Variants in ILK observed in about 807,000 individuals in gnomAD.
ILK encodes the protein integrin linked kinase, also known as scaffold protein ILK.
A neutral mutation model predicts 57.8 loss-of-function variants in ILK; 37 were observed. That is an observed-to-expected ratio of 0.64 (90% CI 0.49 to 0.84). The LOEUF is 0.84. Among genes scored for constraint, ILK ranks in the 40% least tolerant of loss-of-function variants. The pLI is 0.00. For synonymous variants in ILK, 231 were observed against 202.2 expected (o/e 1.14, Z -1.21); for missense variants, 528 against 595.7 (o/e 0.89, Z 1.18).
Position 6,608,500 on chromosome 11 carries a change from A to T in ILK, c.351+11A>T. ...GATCAAGTGGCAGAGGTGAGTACTC[A>T]GCCCTTAATTCCTGAGATGGGTAGG... On this transcript the variant is annotated intron_variant, in intron 4 of 12. Coordinates refer to ENST00000299421, the MANE Select transcript of ILK (RefSeq NM_004517.4). This position sits in a 1 kb window ranked among gnomAD's most constrained non-coding sequence, Gnocchi z 4.9. 1.3e-6 allele frequency: 2 copies of T among 1,597,466 alleles called. No homozygotes were observed. Among genetic ancestry groups the T allele is most frequent in the Middle Eastern group, 3.3e-4 (2 of 6,010 alleles).
At chr11:6,604,624 C>A (rs1854647161) in intron 2 of ILK, 1 of 578,714 alleles carries the variant, frequency 1.7e-6, no homozygotes, top group South Asian at 1.9e-5. Context: ...GGGCAAGGCA[C>A]AGAGCAGAGA....
At chr11:6,606,144 G>C (rs1477330025) in intron 2 of ILK, among the ~76,000 whole-genome samples, 5 of 152,240 alleles carry the variant, frequency 3.3e-5, no homozygotes, top group Non-Finnish European at 7.3e-5. Flanking sequence ...CTGCCCTCCA[G>C]CCTGGGCCAC....
chr11:6,609,161 C>T lies in ILK; in HGVS notation c.618+5C>T. On this transcript the variant is annotated splice_donor_5th_base_variant and intron_variant, in intron 7 of 12. Coordinates refer to ENST00000299421, the MANE Select transcript of ILK (RefSeq NM_004517.4). The stretch of plus-strand genomic sequence containing the variant: ...AACGAGAATCACTCTGGAGAGGTGA[C>T]CCCTGCCCTTCTTGCCCTTCCCTCA... 1 of 1,612,908 alleles carries T rather than the reference C, an allele frequency of 6.2e-7. No homozygotes were observed. Among genetic ancestry groups the T allele is most frequent in the South Asian group, 1.1e-5 (1 of 91,052 alleles).
intron 2 of ILK, chr11:6,606,941 A>G (rs1319128813): frequency 2.0e-5 from 3 of 152,284 alleles, no homozygotes; most frequent in African/African-American, 7.2e-5. Context: ...ATCTCAAGGA[A>G]AAGCTTTTGG....
At chr11:6,609,232 C>T in intron 7 of ILK, 67 bp from the exon 8 acceptor site, 1 of 1,602,370 alleles carries the variant, frequency 6.2e-7, no homozygotes, top group Non-Finnish European at 8.6e-7. Context: ...TTAAGTTTTT[C>T]CTCCAGTTAG....
chr11:6,604,883 T>C (rs1247995555), intron 2 of ILK: 10 of 456,282 alleles, frequency 2.2e-5, no homozygotes, highest in Non-Finnish European at 4.0e-5. Context: ...GAAGAGCAGG[T>C]GGAAAGGAGG....
chr11:6,609,851 G>C lies in ILK; in HGVS notation c.978+6G>C. 6.2e-7 allele frequency: 1 copy of C among 1,614,212 alleles called. No homozygotes were observed. ...TCAATAGCCGTAGTGTAATGGTGAG[G>C]CCACAAGCTCACTCCTGGCCCAGGC... On this transcript the variant is annotated splice_donor_region_variant and intron_variant, in intron 10 of 12. Coordinates refer to ENST00000299421, the MANE Select transcript of ILK (RefSeq NM_004517.4).
At position 6,608,180 on chromosome 11, in the gene ILK, C is replaced by G; in HGVS notation, c.224C>G (p.Ala75Gly). Reference sequence around the variant, plus strand: ...GATGACACCCCCCTGCATCTGGCAGCCAGTCATGGACACCGTGATATTGTA... The same window carrying G: ...GATGACACCCCCCTGCATCTGGCAGGCAGTCATGGACACCGTGATATTGTA... ...RGDDTPLHLA[A>G]SHGHRDIVQK... The change falls in exon 3 of 13, where the codon GCC becomes GGC. Residue 75 changes from alanine to glycine, a missense_variant. By Grantham distance (60) the Ala-to-Gly change is moderately conservative. Coordinates refer to ENST00000299421, the MANE Select transcript of ILK (RefSeq NM_004517.4). This position sits in a 1 kb window ranked among gnomAD's most constrained non-coding sequence, Gnocchi z 4.9. 1 of 1,614,138 alleles carries G rather than the reference C, an allele frequency of 6.2e-7. No homozygotes were observed. The highest frequency in any genetic ancestry group is 8.5e-7 in the Non-Finnish European group (1 of 1,180,016).
At position 6,604,370 on chromosome 11, in the gene ILK, AACGGTTGGT is replaced by A. The variant is rs1854607265; in HGVS notation, c.89+11_89+19del. 2.5e-6 allele frequency: 4 copies of A among 1,599,034 alleles called. No homozygotes were observed. Among genetic ancestry groups the A allele is most frequent in the Non-Finnish European group, 3.4e-6 (4 of 1,172,738 alleles). On this transcript the variant is annotated intron_variant, in intron 2 of 12. Coordinates refer to ENST00000299421, the MANE Select transcript of ILK (RefSeq NM_004517.4). ...ACGACCTCAACCAGGGGTGAGCTGA[AACGGTTGGT>A]GGATGAGAGGAAGGCTAGAGATCTC...
chr11:6,607,242 A>G (rs996932233), intron 2 of ILK: 1 of 152,100 alleles, frequency 6.6e-6, no homozygotes, highest in Non-Finnish European at 1.5e-5. Flanking sequence ...CTCCAAACCA[A>G]TTGTTTTGTT....
In ILK at chr11:6,608,902, G is replaced by A; in HGVS notation, c.467G>A (p.Gly156Asp). The A allele has an allele frequency of 6.2e-7, 1 of 1,614,194 alleles. No homozygotes were observed. Among genetic ancestry groups the A allele is most frequent in the South Asian group, 1.1e-5 (1 of 91,080 alleles). ...TCCCTAGAGCGGGCAGAGAAGATGG[G>A]CCAGAATCTCAACCGTATTCCATAC... Reference protein sequence around the residue: ...ELLRERAEKMGQNLNRIPYKD... With the variant: ...ELLRERAEKMDQNLNRIPYKD... Residue 156 changes from glycine to aspartate, a missense_variant, in exon 6 of 13, where the codon GGC becomes GAC. Gly to Asp is a moderately conservative substitution (Grantham distance 94). Coordinates refer to ENST00000299421, the MANE Select transcript of ILK (RefSeq NM_004517.4). The surrounding 1 kb of genome is among the most constrained non-coding windows in gnomAD (Gnocchi z 4.9).
At chr11:6,609,192 C>T (rs1275052976) in intron 7 of ILK, 36 bp downstream of exon 7, 2 of 1,599,304 alleles carry the variant, frequency 1.3e-6, no homozygotes, top group Admixed American at 3.3e-5. Context: ...CCTCACTAAA[C>T]CCCCATAAAT....
At position 6,608,447 on chromosome 11, in the gene ILK, C is replaced by G; in HGVS notation, c.309C>G (p.Pro103=). 6.2e-7 allele frequency: 1 copy of G among 1,614,154 alleles called. No individual in the cohort carries two copies. Among genetic ancestry groups the G allele is most frequent in the South Asian group, 1.1e-5 (1 of 91,086 alleles). Reference sequence around the variant, plus strand: ...CAGTGAATGAACACGGGAATGTGCCCCTGCACTATGCCTGTTTTTGGGGCC... The same window carrying G: ...CAGTGAATGAACACGGGAATGTGCCGCTGCACTATGCCTGTTTTTGGGGCC... ...INAVNEHGNV[P]LHYACFWGQD... Residue 103 remains proline (P), a synonymous_variant, in exon 4 of 13, where the codon CCC becomes CCG. Coordinates refer to ENST00000299421, the MANE Select transcript of ILK (RefSeq NM_004517.4). This position sits in a 1 kb window ranked among gnomAD's most constrained non-coding sequence, Gnocchi z 4.9.
chr11:6,603,973 G>A (rs947900599), intron 1 of ILK, 151 bp downstream of exon 1: 15 of 537,116 alleles, frequency 2.8e-5, no homozygotes, highest in Non-Finnish European at 4.7e-5. Context: ...TCTGTTCGCG[G>A]ATAGGGTCTA....
intron 7 of ILK, 65 bp from the exon 8 acceptor site, chr11:6,609,234 T>C (rs1855254901): frequency 6.2e-7 from 1 of 1,602,974 alleles, no homozygotes; most frequent in Non-Finnish European, 8.5e-7. Context: ...AAGTTTTTCC[T>C]CCAGTTAGTG....
In ILK at chr11:6,607,808, T is replaced by C. The variant is rs562409731; in HGVS notation, c.90-238T>C. ...CCACCTAAGGAAATGAGATGTGGGA[T>C]ATGGTGAAGATAACACATTTTTTTA... is the stretch of plus-strand genomic sequence containing the variant. On this transcript the variant is annotated intron_variant, in intron 2 of 12. Coordinates refer to ENST00000299421, the MANE Select transcript of ILK (RefSeq NM_004517.4). 1,007 of 550,902 alleles carry C rather than the reference T, an allele frequency of 1.8e-3. 2 individuals carry two copies. Among genetic ancestry groups the C allele is most frequent in the Non-Finnish European group, 2.5e-3 (777 of 306,066 alleles). 34.1% of individuals were successfully genotyped at this position (550,902 alleles called of 1,614,324 possible).
In ILK at chr11:6,608,883, G is replaced by C; in HGVS notation, c.449-1G>C. The C allele has an allele frequency of 6.2e-7, 1 of 1,614,154 alleles. No individual in the cohort carries two copies. On this transcript the variant is annotated splice_acceptor_variant, in intron 5 of 12. Coordinates refer to ENST00000299421, the MANE Select transcript of ILK (RefSeq NM_004517.4). LOFTEE classifies it high-confidence loss of function. The surrounding 1 kb of genome is among the most constrained non-coding windows in gnomAD (Gnocchi z 4.9). The stretch of plus-strand genomic sequence containing the variant: ...CAGCTTAGGTTGTTTTTCTTCCCTA[G>C]AGCGGGCAGAGAAGATGGGCCAGAA...
rs767184450 is a variant in ILK at position 6,609,752 on chromosome 11, G to A, written c.885G>A (p.Val295=). 2.4e-5 allele frequency: 38 copies of A among 1,614,106 alleles called. No individual in the cohort carries two copies. The highest frequency in any genetic ancestry group is 2.5e-5 in the Non-Finnish European group (30 of 1,180,048). ...TCGTCGTGGACCAGAGCCAGGCTGT[G>A]AAGTTTGCTTTGGACATGGCAAGGG... The part of the protein sequence containing the change: ...TNFVVDQSQA[V]KFALDMARGM... Residue 295 remains valine, a synonymous_variant, in exon 10 of 13, where the codon GTG becomes GTA. Coordinates refer to ENST00000299421, the MANE Select transcript of ILK (RefSeq NM_004517.4).
intron 1 of ILK, 83 bp downstream of exon 1, chr11:6,603,905 G>A (rs1220108895): frequency 4.6e-6 from 2 of 434,810 alleles, no homozygotes; most frequent in East Asian, 4.4e-5. Context: ...CCCTGGGGAG[G>A]ACCCCCGGTC....
Sources: gnomAD v4.1 joint callset for allele counts (sites outside exome capture counted in the v4.1 genomes callset) on GRCh38, gnomAD v4.1.1 for gene constraint, Gnocchi (gnomAD v3.1) non-coding constraint, MANE v1.5 for transcripts, NCBI Gene and HGNC (gene_info 2026-07-23, HGNC 2026-07-21) for gene names.